Variants in DISP3 observed in about 807,000 individuals in gnomAD.
DISP3 encodes the protein dispatched RND transporter family member 3.
DISP3 carries 101 observed loss-of-function variants against 135.3 expected under a neutral mutation model. The ratio of observed to expected loss-of-function variants is 0.75; its 90% CI spans 0.64 to 0.88. DISP3 has a LOEUF of 0.88. DISP3 is among the 40% of genes least tolerant of loss of function. The probability of loss-of-function intolerance (pLI) is 0.00; values close to 1 mark genes in which losing one functional copy is unlikely to be tolerated. For synonymous variants in DISP3, 856 were observed against 817.0 expected, an observed-to-expected ratio of 1.05 and a Z score of -0.81; for missense variants, 1,713 against 1,878.6, an observed-to-expected ratio of 0.91 and a Z score of 1.63.
chr1:11,534,489 C>A lies in DISP3; in HGVS notation c.3484C>A (p.Arg1162=). The A allele has an allele frequency of 6.2e-7, 1 of 1,613,948 alleles. No homozygotes were observed. The highest frequency in any genetic ancestry group is 1.3e-5 in the African/African-American group (1 of 75,070). ...QALPEGSVLR[R]GFQTCEHWKQ... ...CTTGCCCGAGGGCTCAGTCCTGCGC[C>A]GGGGCTTCCAGACCTGCGAGCACTG... The change falls in exon 18 of 21, where the codon CGG becomes AGG. Residue 1162 remains arginine (R), a synonymous_variant. Transcript: ENST00000294484.
Position 11,529,978 on chromosome 1 carries a change from G to A in DISP3, c.3102+19G>A. 1 of 1,606,788 alleles carries A rather than the reference G, an allele frequency of 6.2e-7. No individual in the cohort carries two copies. The highest frequency in any genetic ancestry group is 8.5e-7 in the Non-Finnish European group (1 of 1,178,714). ...AGACCCGGTACGGGGCATGCGTCGG[G>A]CAGATGCCGAGGGCCCCAGCTGCAA... On this transcript the variant is annotated intron_variant, in intron 15 of 20. Transcript: ENST00000294484. The surrounding 1 kb of genome is among the most constrained non-coding windows in gnomAD (Gnocchi z 4.7).
chr1:11,496,052 C>G (rs748040156), intron 1 of DISP3, among the ~76,000 whole-genome samples: 17 of 151,980 alleles, frequency 1.1e-4, no homozygotes, highest in Non-Finnish European at 2.1e-4. Flanking sequence ...AAAAATCACC[C>G]ATAATCCTCC....
At chr1:11,504,743 G>A (rs1222585559) in intron 3 of DISP3, among the ~76,000 whole-genome samples, 1 of 152,148 alleles carries the variant, frequency 6.6e-6, no homozygotes, top group Non-Finnish European at 1.5e-5. Context: ...GTGTTATGAT[G>A]CAGCACAAAA....
intron 10 of DISP3, among the ~76,000 whole-genome samples, chr1:11,522,220 G>T (rs182442660): frequency 6.6e-6 from 1 of 152,268 alleles, no homozygotes; most frequent in East Asian, 1.9e-4. Context: ...ATGAGAAGAC[G>T]CCTGGGTGAG....
intron 1 of DISP3, among the ~76,000 whole-genome samples, chr1:11,495,517 G>A (rs1455721393): frequency 1.3e-5 from 2 of 152,222 alleles, no homozygotes; most frequent in Non-Finnish European, 2.9e-5. Flanking sequence ...ATCTGGGGAT[G>A]GAGTAGAGTG....
Position 11,515,484 on chromosome 1 carries a change from C to A in DISP3, c.1569C>A (p.Ala523=). 1 of 1,609,424 alleles carries A rather than the reference C, an allele frequency of 6.2e-7. No homozygotes were observed. Residue 523 remains alanine (A), a synonymous_variant, in exon 5 of 21, where the codon GCC becomes GCA. Coordinates refer to ENST00000294484, the MANE Select transcript of DISP3 (RefSeq NM_020780.2). ...TGGGCATCCTGAATGGGGTGGCCGC[C>A]TTCGTGATCGTGGGCATTGGTGAGT... is the stretch of plus-strand genomic sequence containing the variant. ...QYLGILNGVA[A]FVIVGIGVDD...
rs755746206 is a variant in DISP3 at position 11,529,608 on chromosome 1, A to G, written c.2851A>G (p.Met951Val). Reference protein sequence around the residue: ...HKPPFHGRVCMAPPGCLLSSS... With the variant: ...HKPPFHGRVCVAPPGCLLSSS... ...GCCCCCCTTCCACGGGCGCGTATGCATGGCACCCCCTGGCTGCCTGCTTAG... is the reference window on the plus strand; with the variant it reads ...GCCCCCCTTCCACGGGCGCGTATGCGTGGCACCCCCTGGCTGCCTGCTTAG... The change falls in exon 14 of 21, where the codon ATG (methionine) becomes GTG (valine). Residue 951 changes from methionine to valine, a missense_variant. Physicochemically the swap from Met to Val is conservative, Grantham distance 21. Transcript: ENST00000294484. This position sits in a 1 kb window ranked among gnomAD's most constrained non-coding sequence, Gnocchi z 4.7. The G allele has an allele frequency of 6.8e-6, 11 of 1,607,626 alleles. No homozygotes were observed. The African/African-American group carries it at 9.4e-5, about 14-fold the overall frequency.
At chr1:11,523,247 C>G (rs1642299265) in intron 10 of DISP3, among the ~76,000 whole-genome samples, 1 of 151,868 alleles carries the variant, frequency 6.6e-6, no homozygotes, top group Admixed American at 6.6e-5. Flanking sequence ...ATTTAAAAAA[C>G]CCAAAGGAAG....
In DISP3 at chr1:11,491,180, T is replaced by C. The variant is rs963049869; in HGVS notation, c.-3-9810T>C. Reference sequence around the variant, plus strand: ...ACATGTGAGCCACGGTGGAGGGATGTGGGGAGGCCAAGGCTAAATCAGTTG... The same window carrying C: ...ACATGTGAGCCACGGTGGAGGGATGCGGGGAGGCCAAGGCTAAATCAGTTG... On this transcript the variant is annotated intron_variant, in intron 1 of 20. Coordinates refer to ENST00000294484, the MANE Select transcript of DISP3 (RefSeq NM_020780.2). This position sits in a 1 kb window ranked among gnomAD's most constrained non-coding sequence, Gnocchi z 4.3. Among the ~76,000 whole-genome samples the C allele has an allele frequency of 2.8e-4, 43 of 152,040 alleles. No homozygotes were observed. The highest frequency in any genetic ancestry group is 9.9e-4 in the African/African-American group (41 of 41,388).
intron 6 of DISP3, 114 bp from the exon 7 acceptor site, chr1:11,517,349 C>A: frequency 7.2e-7 from 1 of 1,398,316 alleles, no homozygotes; most frequent in Non-Finnish European, 9.9e-7. Flanking sequence ...CCTCCTACTG[C>A]CTCAGTCTGG....
At position 11,502,857 on chromosome 1, in the gene DISP3, G is replaced by A. The variant is rs754090573; in HGVS notation, c.1276G>A (p.Val426Met). The change falls in exon 3 of 21, where the codon GTG becomes ATG. Residue 426 changes from valine (V) to methionine (M), a missense_variant. Coordinates refer to ENST00000294484, the MANE Select transcript of DISP3 (RefSeq NM_020780.2). The stretch of plus-strand genomic sequence containing the variant: ...ACAACGGGCTAAGTTTCAGAGCTTC[G>A]TGGTCACCTACGTGGCCATGCTGGC... ...EEQRAKFQSFVVTYVAMLAKQ... is the reference protein window; with the variant it reads ...EEQRAKFQSFMVTYVAMLAKQ... The A allele has an allele frequency of 5.6e-6, 9 of 1,614,044 alleles. No individual in the cohort carries two copies. The highest frequency in any genetic ancestry group is 2.2e-5 in the East Asian group (1 of 44,900).
rs995514127 is a variant in DISP3 at position 11,502,007 on chromosome 1, C to T, written c.1015C>T (p.Leu339Phe). The change falls in exon 2 of 21, where the codon CTC becomes TTC. Residue 339 changes from leucine to phenylalanine, a missense_variant. Coordinates refer to ENST00000294484, the MANE Select transcript of DISP3 (RefSeq NM_020780.2). ...SYSYCSPPSS[L>F]MTYFFPTERG... ...CTCCTACTGCTCGCCCCCCAGCTCG[C>T]TCATGACCTACTTTTTTCCCACCGA... The T allele has an allele frequency of 5.6e-6, 9 of 1,610,694 alleles. No homozygotes were observed. Among genetic ancestry groups the T allele is most frequent in the Non-Finnish European group, 7.6e-6 (9 of 1,178,338 alleles).
intron 3 of DISP3, among the ~76,000 whole-genome samples, chr1:11,509,364 T>A (rs1183060765): frequency 6.6e-6 from 1 of 152,048 alleles, no homozygotes; most frequent in Admixed American, 6.6e-5. Flanking sequence ...AAAAAAAAAG[T>A]TCTGTTTTTG....
intron 17 of DISP3, chr1:11,533,861 A>C (rs1338779761): frequency 7.0e-6 from 5 of 717,500 alleles, no homozygotes; most frequent in Non-Finnish European, 1.3e-5. Context: ...ATCATCCATG[A>C]GCACCTCTCG....
intron 13 of DISP3, among the ~76,000 whole-genome samples, chr1:11,527,393 C>T (rs1642453452): frequency 6.6e-6 from 1 of 151,926 alleles, no homozygotes; most frequent in Non-Finnish European, 1.5e-5. Flanking sequence ...ACTAAAAATA[C>T]AAAAAATTAG....
chr1:11,489,278 G>A (rs1016150704), intron 1 of DISP3, among the ~76,000 whole-genome samples: 5 of 152,204 alleles, frequency 3.3e-5, no homozygotes, highest in African/African-American at 1.2e-4. Flanking sequence ...TTCTCTTTGG[G>A]CGCTATGGGG....
chr1:11,517,508 T>A lies in DISP3; in HGVS notation c.1795T>A (p.Ser599Thr). 6.2e-7 allele frequency: 1 copy of A among 1,614,234 alleles called. No individual in the cohort carries two copies. Among genetic ancestry groups the A allele is most frequent in the Non-Finnish European group, 8.5e-7 (1 of 1,180,042 alleles). Residue 599 changes from serine (S) to threonine (T), a missense_variant, in exon 7 of 21, where the codon TCC (serine) becomes ACC (threonine). Physicochemically the swap from Ser to Thr is moderately conservative, Grantham distance 58. Around this residue, in one of 2 missense-constraint regions of DISP3, gnomAD observed 1,142 missense variants for 1,384.6 expected, o/e 0.82. Coordinates refer to ENST00000294484, the MANE Select transcript of DISP3 (RefSeq NM_020780.2). ...DFGLFMSLIV[S>T]CCWLAVLVTM... ...TGGCCTGTTCATGTCTCTCATCGTG[T>A]CCTGTTGCTGGCTGGCCGTGCTTGT...
At chr1:11,505,674 T>C (rs1167550001) in intron 3 of DISP3, among the ~76,000 whole-genome samples, 1 of 152,236 alleles carries the variant, frequency 6.6e-6, no homozygotes, top group Non-Finnish European at 1.5e-5. Context: ...TCACTTTTAT[T>C]GCTTTTAATA....
In DISP3 at chr1:11,529,396, C is replaced by T. The variant is rs1642513517; in HGVS notation, c.2799-160C>T. On this transcript the variant is annotated intron_variant, in intron 13 of 20. Transcript: ENST00000294484. This position sits in a 1 kb window ranked among gnomAD's most constrained non-coding sequence, Gnocchi z 4.7. Reference sequence around the variant, plus strand: ...CAGACCCCCAGCCCAGGGCACATCCCCCAGCCCTCAACCTGAGAACAAATC... The same window carrying T: ...CAGACCCCCAGCCCAGGGCACATCCTCCAGCCCTCAACCTGAGAACAAATC... Among the ~76,000 whole-genome samples the T allele has an allele frequency of 6.6e-6, 1 of 152,138 alleles. No homozygotes were observed. Among genetic ancestry groups the T allele is most frequent in the South Asian group, 2.1e-4 (1 of 4,828 alleles).
Sources: gnomAD v4.1 joint callset for allele counts (sites outside exome capture counted in the v4.1 genomes callset) on GRCh38, gnomAD v4.1.1 for gene constraint, gnomAD v4.1.1 regional missense constraint, Gnocchi (gnomAD v3.1) non-coding constraint, MANE v1.5 for transcripts, NCBI Gene and HGNC (gene_info 2026-07-23, HGNC 2026-07-21) for gene names.